ZNF827: variants seen among roughly 807,000 people sequenced by gnomAD.
The protein encoded by ZNF827 is zinc finger protein 827.
Under a neutral mutation model 102.4 loss-of-function variants are expected in ZNF827, and 13 were observed. That is an observed-to-expected ratio of 0.13 (90% CI 0.08 to 0.20). ZNF827 has a LOEUF of 0.20. ZNF827 is among the 10% of genes least tolerant of loss of function. ZNF827 has a pLI of 1.00. For missense variants in ZNF827, 1,103 were observed against 1,344.4 expected, an observed-to-expected ratio of 0.82 and a Z score of 2.81; for synonymous variants, 523 against 536.2, an observed-to-expected ratio of 0.98 and a Z score of 0.34.
At chr4:145,857,089 C>G (rs1747217492) in intron 5 of ZNF827, among the ~76,000 whole-genome samples, 1 of 152,020 alleles carries the variant, frequency 6.6e-6, no homozygotes, top group Non-Finnish European at 1.5e-5. Flanking sequence ...ATAAAGTAAC[C>G]AACATTTTCC....
intron 7 of ZNF827, among the ~76,000 whole-genome samples, chr4:145,825,155 C>T (rs1396394403): frequency 3.3e-5 from 5 of 152,210 alleles, no homozygotes; most frequent in African/African-American, 9.6e-5. Context: ...ACCACGGGGC[C>T]TGGCCAGGGA....
At chr4:145,798,441 A>G (rs1410244189) in intron 8 of ZNF827, among the ~76,000 whole-genome samples, 2 of 152,206 alleles carry the variant, frequency 1.3e-5, no homozygotes, top group Non-Finnish European at 2.9e-5. Flanking sequence ...TGAGGTGGGC[A>G]GATCGCCTGA....
chr4:145,867,091 G>A (rs1748280242), intron 5 of ZNF827, among the ~76,000 whole-genome samples: 1 of 152,196 alleles, frequency 6.6e-6, no homozygotes, highest in Admixed American at 6.5e-5. Flanking sequence ...TAGCAAAAAA[G>A]TCTGATTATT....
At chr4:145,879,242 A>G (rs1289133495) in intron 4 of ZNF827, among the ~76,000 whole-genome samples, 1 of 152,218 alleles carries the variant, frequency 6.6e-6, no homozygotes, top group South Asian at 2.1e-4. Flanking sequence ...CTCCTTATCT[A>G]TAACATAGGT....
chr4:145,807,479 C>CG (rs775275609), intron 8 of ZNF827, among the ~76,000 whole-genome samples: 96 of 147,634 alleles, frequency 6.5e-4, no homozygotes, highest in Non-Finnish European at 1.1e-3. Context: ...TGTCCCAGTG[C>CG]TTTTTTTTTT....
chr4:145,835,928 G>GA (rs1473532704), intron 7 of ZNF827, among the ~76,000 whole-genome samples: 2 of 151,400 alleles, frequency 1.3e-5, no homozygotes, highest in African/African-American at 4.9e-5. Flanking sequence ...CCACCCCGTG[G>GA]TGCCAAACCC....
intron 8 of ZNF827, among the ~76,000 whole-genome samples, chr4:145,796,100 T>C (rs1247215323): frequency 6.6e-6 from 1 of 152,214 alleles, no homozygotes; most frequent in Non-Finnish European, 1.5e-5. Flanking sequence ...ATATCCTTCA[T>C]ATTCTGTTAA....
At chr4:145,824,367 C>A (rs909943826) in intron 7 of ZNF827, among the ~76,000 whole-genome samples, 2 of 152,202 alleles carry the variant, frequency 1.3e-5, no homozygotes, top group Non-Finnish European at 2.9e-5. Flanking sequence ...GAGTATCCAT[C>A]AGTGTCCAAC....
chr4:145,937,011 T>C (rs1355349760), intron 1 of ZNF827, among the ~76,000 whole-genome samples: 1 of 151,636 alleles, frequency 6.6e-6, no homozygotes, highest in Non-Finnish European at 1.5e-5. Flanking sequence ...CCCCACGCCT[T>C]CTCCCCTGCC....
At chr4:145,811,233 T>C (rs563545008) in intron 8 of ZNF827, among the ~76,000 whole-genome samples, 9 of 152,284 alleles carry the variant, frequency 5.9e-5, no homozygotes, top group Middle Eastern at 6.8e-3. Flanking sequence ...TGGCCTCAAA[T>C]GTTTGGCCTG....
At chr4:145,846,350 CAT>C (rs1745938408) in intron 6 of ZNF827, among the ~76,000 whole-genome samples, 1 of 152,122 alleles carries the variant, frequency 6.6e-6, no homozygotes, top group Non-Finnish European at 1.5e-5. Context: ...TGGTGGTGGG[CAT>C]CTATGGTCCC....
intron 8 of ZNF827, among the ~76,000 whole-genome samples, chr4:145,794,685 G>T (rs181139768): frequency 3.4e-4 from 52 of 152,010 alleles, no homozygotes; most frequent in African/African-American, 1.1e-3. Flanking sequence ...GGGCGACAGG[G>T]CGAGACCCTG....
rs147143772 is a variant in ZNF827 at position 145,886,102 on chromosome 4, A to T, written c.1323T>A (p.Thr441=). The T allele has an allele frequency of 1.1e-4, 179 of 1,613,496 alleles. No homozygotes were observed. In the African/African-American group the frequency reaches 2.1e-3, roughly 19 times the overall value. Residue 441 remains threonine, a synonymous_variant, in exon 4 of 15, where the codon ACT becomes ACA. Transcript: ENST00000508784. ...GTTTCAGGCTGAAGTGGCGTGAGGAAGTAAAAGGGCACAGCTGGCACTGAA... is the reference window on the plus strand; with the variant it reads ...GTTTCAGGCTGAAGTGGCGTGAGGATGTAAAAGGGCACAGCTGGCACTGAA... ...ETFQCQLCPF[T]SSRHFSLKLH... is the part of the protein sequence containing the mutation.
chr4:145,860,083 A>G (rs1264097678), intron 5 of ZNF827, among the ~76,000 whole-genome samples: 1 of 152,192 alleles, frequency 6.6e-6, no homozygotes, highest in Non-Finnish European at 1.5e-5. Flanking sequence ...TAAAAAAAGT[A>G]TTACTTACAT....
At chr4:145,882,386 G>A (rs918282398) in intron 4 of ZNF827, among the ~76,000 whole-genome samples, 4 of 152,186 alleles carry the variant, frequency 2.6e-5, no homozygotes, top group African/African-American at 4.8e-5. Flanking sequence ...GGAAGCCTCC[G>A]TTTTGCAAGC....
At position 145,892,157 on chromosome 4, in the gene ZNF827, G is replaced by C. The variant is rs528482203; in HGVS notation, c.1266+86C>G. ...TTTCATCAGTGAGGCGCCCTCCCTC[G>C]GCCAAGAAGCCTCCTGCACCAGACC... On this transcript the variant is annotated intron_variant, in intron 3 of 14. Coordinates refer to ENST00000508784, the MANE Select transcript of ZNF827 (RefSeq NM_001306215.2). 40 of 1,360,988 alleles carry C rather than the reference G, an allele frequency of 2.9e-5. No homozygotes were observed. In the African/African-American group the frequency reaches 5.5e-4, roughly 19 times the overall value. The allele number at this position is 1,360,988 out of a possible 1,614,324, so 84.3% of individuals were successfully genotyped here. A position where few individuals can be genotyped will look rare whatever the true frequency, so the allele number is the denominator to read the frequency against.
chr4:145,914,728 C>G (rs748077414), intron 1 of ZNF827, among the ~76,000 whole-genome samples: 1 of 152,222 alleles, frequency 6.6e-6, no homozygotes, highest in Non-Finnish European at 1.5e-5. Context: ...CTTAACAACT[C>G]AAGTCCAGTG....
At chr4:145,792,609 G>T (rs759594490) in intron 8 of ZNF827, among the ~76,000 whole-genome samples, 1 of 151,946 alleles carries the variant, frequency 6.6e-6, no homozygotes, top group Non-Finnish European at 1.5e-5. Flanking sequence ...GCTAACTGCC[G>T]CCTCGAATTC....
At position 145,763,806 on chromosome 4, in the gene ZNF827, C is replaced by T. The variant is rs988766174; in HGVS notation, c.3231-684G>A. ...GCTCTTCCTAGGCATTTCCCATCTA[C>T]TGGTTTCCTTGAATTATAATCACCC... On this transcript the variant is annotated intron_variant, in intron 13 of 14. Transcript: ENST00000508784. This position sits in a 1 kb window ranked among gnomAD's most constrained non-coding sequence, Gnocchi z 4.6. Among the ~76,000 whole-genome samples the T allele has an allele frequency of 6.6e-6, 1 of 152,240 alleles. No individual in the cohort carries two copies. The highest frequency in any genetic ancestry group is 1.5e-5 in the Non-Finnish European group (1 of 68,042).
Sources: gnomAD v4.1 joint callset for allele counts (sites outside exome capture counted in the v4.1 genomes callset) on GRCh38, gnomAD v4.1.1 for gene constraint, Gnocchi (gnomAD v3.1) non-coding constraint, MANE v1.5 for transcripts, NCBI Gene and HGNC (gene_info 2026-07-23, HGNC 2026-07-21) for gene names.